SMOC1: variants seen among roughly 807,000 people sequenced by gnomAD.
SMOC1 encodes the protein SPARC-related modular calcium-binding protein 1.
Under a neutral mutation model 56.3 loss-of-function variants are expected in SMOC1, and 22 were observed. The observed-to-expected ratio is 0.39, with a 90% CI of 0.28 to 0.56. The LOEUF is 0.56. SMOC1 is among the 20% of genes least tolerant of loss of function. The pLI is 0.61. For missense variants in SMOC1, 509 were observed against 565.4 expected (o/e 0.90, Z 1.01); for synonymous variants, 193 against 215.0 (o/e 0.90, Z 0.89).
In SMOC1 at chr14:69,952,566, T is replaced by C. The variant is rs577367708; in HGVS notation, c.265+263T>C. ...TGGCCAGCGCTTTCCTTTTTCTTTT[T>C]ATGGAGATGCTTAAAACCGCAAGAC... On this transcript the variant is annotated intron_variant, in intron 2 of 11. Transcript: ENST00000361956. Among the ~76,000 whole-genome samples the C allele has an allele frequency of 1.3e-5, 2 of 152,342 alleles. 1 individual carries two copies. Among genetic ancestry groups the C allele is most frequent in the South Asian group, 4.1e-4 (2 of 4,830 alleles).
At chr14:69,965,377 A>AAATAATAATAATAAT (rs544015097) in intron 3 of SMOC1, among the ~76,000 whole-genome samples, 1,215 of 113,904 alleles carry the variant, frequency 0.011, 8 homozygotes, top group Middle Eastern at 0.016. Flanking sequence ...CAAGACTCTC[A>AAATAATAATAATAAT]AATAATAATA....
chr14:69,894,299 A>C (rs767025291), intron 1 of SMOC1, among the ~76,000 whole-genome samples: 24 of 152,288 alleles, frequency 1.6e-4, no homozygotes, highest in Non-Finnish European at 2.5e-4. Context: ...TCTAAACATC[A>C]TCCTTTCTAG....
intron 3 of SMOC1, among the ~76,000 whole-genome samples, chr14:69,956,122 A>T (rs1883175302): frequency 6.6e-6 from 1 of 152,204 alleles, no homozygotes; most frequent in Non-Finnish European, 1.5e-5. Context: ...TCCAGGCTAA[A>T]TTGCTAAACG....
intron 1 of SMOC1, among the ~76,000 whole-genome samples, chr14:69,907,664 T>C (rs1392289786): frequency 6.6e-6 from 1 of 152,162 alleles, no homozygotes; most frequent in Non-Finnish European, 1.5e-5. Flanking sequence ...TGAACCCAAG[T>C]AGAGTAGGTG....
At chr14:69,969,601 G>A (rs1883689267) in intron 3 of SMOC1, among the ~76,000 whole-genome samples, 1 of 152,112 alleles carries the variant, frequency 6.6e-6, no homozygotes, top group African/African-American at 2.4e-5. Flanking sequence ...CTCCCAACAG[G>A]CCCCACCTCC....
intron 1 of SMOC1, among the ~76,000 whole-genome samples, chr14:69,926,649 C>A (rs1342896084): frequency 6.6e-6 from 1 of 152,210 alleles, no homozygotes; most frequent in Admixed American, 6.5e-5. Flanking sequence ...CCAATCCTGT[C>A]AAATTGCTGC....
intron 1 of SMOC1, among the ~76,000 whole-genome samples, chr14:69,898,606 G>C (rs572885205): frequency 3.3e-5 from 5 of 152,108 alleles, no homozygotes; most frequent in Middle Eastern, 3.4e-3. Context: ...TTCTTTTATA[G>C]TGTTTTTGAT....
chr14:69,928,192 G>T (rs1481163168), intron 1 of SMOC1, among the ~76,000 whole-genome samples: 2 of 152,190 alleles, frequency 1.3e-5, no homozygotes, highest in Non-Finnish European at 2.9e-5. Context: ...GCTGATGCTG[G>T]TCACTGGCTT....
intron 5 of SMOC1, among the ~76,000 whole-genome samples, chr14:69,982,879 A>G (rs925451133): frequency 1.3e-5 from 2 of 152,060 alleles, no homozygotes; most frequent in Admixed American, 6.5e-5. Flanking sequence ...ATTCTCTCTG[A>G]TTCTGTGCCT....
At chr14:70,000,025 G>A (rs987103043) in intron 7 of SMOC1, among the ~76,000 whole-genome samples, 5 of 152,158 alleles carry the variant, frequency 3.3e-5, no homozygotes, top group African/African-American at 9.7e-5. Context: ...TTTGGCCTCT[G>A]CTGCTAAGAC....
At chr14:69,917,384 T>C (rs1884713421) in intron 1 of SMOC1, among the ~76,000 whole-genome samples, 1 of 152,196 alleles carries the variant, frequency 6.6e-6, no homozygotes, top group Admixed American at 6.5e-5. Flanking sequence ...ACATGGGCCA[T>C]TGTGGTGAAC....
At chr14:69,902,958 C>T (rs925053691) in intron 1 of SMOC1, among the ~76,000 whole-genome samples, 2 of 152,170 alleles carry the variant, frequency 1.3e-5, no homozygotes, top group Non-Finnish European at 1.5e-5. Context: ...GGCGTGATCT[C>T]GGCTCGCTGC....
intron 1 of SMOC1, among the ~76,000 whole-genome samples, chr14:69,880,641 G>A (rs1383184886): frequency 6.6e-6 from 1 of 152,206 alleles, no homozygotes; most frequent in Non-Finnish European, 1.5e-5. Context: ...AAACGACCTA[G>A]TGGTTCTTTT....
intron 7 of SMOC1, among the ~76,000 whole-genome samples, chr14:69,999,866 C>A (rs894622106): frequency 6.6e-6 from 1 of 152,108 alleles, no homozygotes; most frequent in Non-Finnish European, 1.5e-5. Context: ...GCTTGGAACA[C>A]AAAGGTGTGG....
intron 5 of SMOC1, among the ~76,000 whole-genome samples, chr14:69,980,909 C>A (rs227442): frequency 6.6e-6 from 1 of 151,940 alleles, no homozygotes; most frequent in Non-Finnish European, 1.5e-5. Flanking sequence ...CCTTCTCTTT[C>A]CCTAGCCTCT....
At chr14:70,028,654 A>G (rs17107637) in intron 11 of SMOC1, among the ~76,000 whole-genome samples, 30,289 of 152,046 alleles carry the variant, frequency 0.2, 3,828 homozygotes, top group East Asian at 0.41. Flanking sequence ...CCTCCTTTTT[A>G]GATGTGCTGA....
In SMOC1 at chr14:69,994,504, A is replaced by G. The variant is rs375150806; in HGVS notation, c.664+24A>G. ...AGGTAAATAACCTTCCTTGGATTAT[A>G]TATGTACCCAGTCCATCCTTCCTTG... On this transcript the variant is annotated intron_variant, in intron 7 of 11. Transcript: ENST00000361956. 7.9e-5 allele frequency: 124 copies of G among 1,571,296 alleles called. No homozygotes were observed. The East Asian group carries it at 2.1e-3, about 26-fold the overall frequency.
At chr14:69,952,947 C>T (rs1024469660) in intron 2 of SMOC1, among the ~76,000 whole-genome samples, 15 of 152,130 alleles carry the variant, frequency 9.9e-5, no homozygotes, top group African/African-American at 3.6e-4. Context: ...TATCTTTTTC[C>T]TGAGTCCTGT....
intron 1 of SMOC1, among the ~76,000 whole-genome samples, chr14:69,922,824 C>T (rs1402715956): frequency 2.6e-5 from 4 of 151,982 alleles, no homozygotes; most frequent in Non-Finnish European, 1.5e-5. Context: ...TGAAAACCAA[C>T]AGAAGTTAAC....
Sources: gnomAD v4.1 joint callset for allele counts (sites outside exome capture counted in the v4.1 genomes callset) on GRCh38, gnomAD v4.1.1 for gene constraint, MANE v1.5 for transcripts, NCBI Gene and HGNC (gene_info 2026-07-23, HGNC 2026-07-21) for gene names.